Variants in EPHA6 observed in about 807,000 individuals in gnomAD.
EPHA6 encodes the protein EPH receptor A6, also known as ephrin type-A receptor 6.
EPHA6 carries 50 observed loss-of-function variants against 112.0 expected under a neutral mutation model. The ratio of observed to expected loss-of-function variants is 0.45; its 90% CI spans 0.36 to 0.56. The LOEUF (loss-of-function observed/expected upper bound fraction) is 0.56. Ranked by LOEUF, EPHA6 falls within the 20% of genes least tolerant of loss-of-function variation. The probability of loss-of-function intolerance (pLI) is 0.00; values close to 1 mark genes in which losing one functional copy is unlikely to be tolerated. For synonymous variants in EPHA6, 529 were observed against 490.7 expected, an observed-to-expected ratio of 1.08 and a Z score of -1.03; for missense variants, 1,280 against 1,417.4, an observed-to-expected ratio of 0.90 and a Z score of 1.56.
intron 3 of EPHA6, among the ~76,000 whole-genome samples, chr3:97,065,012 A>G (rs926229751): frequency 6.6e-6 from 1 of 152,126 alleles, no homozygotes. Flanking sequence ...TAGGTGAAGT[A>G]TATTTGGGTT....
intron 9 of EPHA6, chr3:97,481,587 G>C: frequency 1.8e-6 from 1 of 552,568 alleles, no homozygotes; most frequent in Non-Finnish European, 3.4e-6. Flanking sequence ...GGACTGTTGG[G>C]TCAGAAAGTC....
chr3:97,443,359 C>CAAA (rs5851066), intron 6 of EPHA6, among the ~76,000 whole-genome samples: 730 of 68,164 alleles, frequency 0.011, 15 homozygotes, highest in African/African-American at 0.035. Context: ...TAAGACATCG[C>CAAA]AAAAAAAAAA....
chr3:97,489,828 C>G (rs956788997), intron 10 of EPHA6, among the ~76,000 whole-genome samples: 7 of 151,242 alleles, frequency 4.6e-5, no homozygotes, highest in Admixed American at 4.6e-4. Context: ...TAACGTAAAA[C>G]TATTCTACAG....
At chr3:97,521,458 G>A (rs1238013215) in intron 10 of EPHA6, among the ~76,000 whole-genome samples, 1 of 152,100 alleles carries the variant, frequency 6.6e-6, no homozygotes, top group Admixed American at 6.6e-5. Context: ...GGTGGAAGAG[G>A]AAGTAAATAT....
At chr3:97,268,812 G>A (rs1241110419) in intron 5 of EPHA6, among the ~76,000 whole-genome samples, 1 of 152,164 alleles carries the variant, frequency 6.6e-6, no homozygotes, top group Non-Finnish European at 1.5e-5. Flanking sequence ...AAATATTAAT[G>A]TAAGGATACT....
At chr3:97,532,628 C>T (rs2092708478) in intron 11 of EPHA6, 85 bp downstream of exon 11, 8 of 1,088,790 alleles carry the variant, frequency 7.3e-6, no homozygotes. Context: ...CATAATAATA[C>T]CACAGTCATT....
At chr3:97,646,265 T>G (rs2094061670) in intron 14 of EPHA6, 1 of 1,533,510 alleles carries the variant, frequency 6.5e-7, no homozygotes, top group Non-Finnish European at 8.7e-7. Context: ...TGGGAGCCAG[T>G]GGCCAGACCA....
chr3:96,817,674 A>C (rs1428662768), intron 1 of EPHA6, among the ~76,000 whole-genome samples: 5 of 151,936 alleles, frequency 3.3e-5, no homozygotes, highest in Non-Finnish European at 5.9e-5. Context: ...TCACAAAATA[A>C]AATTTTAATG....
chr3:97,389,536 T>C (rs1394205189), intron 5 of EPHA6, among the ~76,000 whole-genome samples: 1 of 152,188 alleles, frequency 6.6e-6, no homozygotes, highest in Non-Finnish European at 1.5e-5. Flanking sequence ...AGAAAACAAA[T>C]ATTTCTTGAT....
chr3:97,160,400 C>T (rs181149318), intron 3 of EPHA6, among the ~76,000 whole-genome samples: 1 of 152,148 alleles, frequency 6.6e-6, no homozygotes, highest in East Asian at 1.9e-4. Flanking sequence ...CCTCAGCCTC[C>T]CGAGTAGCTG....
intron 3 of EPHA6, among the ~76,000 whole-genome samples, chr3:97,027,974 C>T (rs1258021354): frequency 1.3e-5 from 2 of 152,130 alleles, no homozygotes; most frequent in African/African-American, 4.8e-5. Context: ...GTCTAGAATT[C>T]CCTTTAAAAC....
At chr3:97,372,972 C>T (rs1352499507) in intron 5 of EPHA6, among the ~76,000 whole-genome samples, 1 of 152,052 alleles carries the variant, frequency 6.6e-6, no homozygotes, top group Non-Finnish European at 1.5e-5. Flanking sequence ...TTCAAATGGT[C>T]CCACTTGTTA....
chr3:97,064,471 T>C (rs1481848985), intron 3 of EPHA6, among the ~76,000 whole-genome samples: 1 of 152,174 alleles, frequency 6.6e-6, no homozygotes, highest in Non-Finnish European at 1.5e-5. Flanking sequence ...TTTGATAAAG[T>C]CTGTATTCCT....
chr3:97,402,620 C>G (rs1213382209), intron 5 of EPHA6, among the ~76,000 whole-genome samples: 1 of 151,912 alleles, frequency 6.6e-6, no homozygotes, highest in Non-Finnish European at 1.5e-5. Flanking sequence ...ATAGTTAGGA[C>G]TTATTTTAAA....
At chr3:97,319,779 A>T (rs756296154) in intron 5 of EPHA6, among the ~76,000 whole-genome samples, 1 of 151,938 alleles carries the variant, frequency 6.6e-6, no homozygotes. Context: ...TACTGAAAGT[A>T]TTTCTATATC....
intron 2 of EPHA6, among the ~76,000 whole-genome samples, chr3:96,914,700 C>T (rs2107611905): frequency 6.6e-6 from 1 of 152,132 alleles, no homozygotes; most frequent in Admixed American, 6.6e-5. Context: ...TAAAAGAAAA[C>T]TGAGAGAATC....
intron 6 of EPHA6, among the ~76,000 whole-genome samples, chr3:97,424,806 C>CAA (rs60277455): frequency 0.019 from 981 of 51,978 alleles, 20 homozygotes; most frequent in African/African-American, 0.048. Context: ...AACTCTGTCT[C>CAA]AAAAAAAAAA....
intron 5 of EPHA6, among the ~76,000 whole-genome samples, chr3:97,395,669 C>T (rs970689040): frequency 6.6e-5 from 10 of 151,530 alleles, no homozygotes; most frequent in African/African-American, 2.2e-4. Flanking sequence ...TCTTTATTGA[C>T]ATTTCATTGA....
chr3:97,618,755 T>C (rs188029211), intron 13 of EPHA6, among the ~76,000 whole-genome samples: 3 of 152,100 alleles, frequency 2.0e-5, no homozygotes, highest in Non-Finnish European at 1.5e-5. Context: ...GGTTCTGAAA[T>C]TGAGGAAATA....
Sources: allele counts gnomAD v4.1 joint callset (sites outside exome capture counted in the v4.1 genomes callset), GRCh38; gene constraint gnomAD v4.1.1; transcripts MANE v1.5; gene names NCBI Gene and HGNC (gene_info 2026-07-23, HGNC 2026-07-21).